TUT7: variants seen among roughly 807,000 people sequenced by gnomAD.
The protein encoded by TUT7 is terminal uridylyl transferase 7.
In TUT7, 33 loss-of-function variants were observed where a neutral mutation model predicts 165.9. That is an observed-to-expected ratio of 0.20 (90% CI 0.15 to 0.27). The LOEUF is 0.27. Ranked by LOEUF, TUT7 falls within the 10% of genes least tolerant of loss-of-function variation. The pLI, the probability that TUT7 is intolerant of heterozygous loss-of-function variation, is 1.00. For missense variants in TUT7, 1,338 were observed against 1,762.3 expected, an observed-to-expected ratio of 0.76 and a Z score of 4.31; for synonymous variants, 552 against 608.1, an observed-to-expected ratio of 0.91 and a Z score of 1.36.
At position 86,322,986 on chromosome 9, in the gene TUT7, C is replaced by T; in HGVS notation, c.2764G>A (p.Glu922Lys). The T allele has an allele frequency of 2.5e-6, 4 of 1,614,018 alleles. No homozygotes were observed. The highest frequency in any genetic ancestry group is 3.4e-6 in the Non-Finnish European group (4 of 1,179,984). Residue 922 changes from glutamate (E) to lysine (K), a missense_variant, in exon 13 of 27, where the codon GAA becomes AAA. Around this residue, in one of 7 missense-constraint regions of TUT7, gnomAD observed 425 missense variants for 474.9 expected, o/e 0.89. Coordinates refer to ENST00000375963, the MANE Select transcript of TUT7 (RefSeq NM_024617.4). ...TCCTTGAGACTTATTTTATTAAGTT[C>T]CACTAGGAGAGCTCTTTCTACATGT... is the stretch of plus-strand genomic sequence containing the variant. ...GKHVERALLV[E>K]LNKISLKEEN...
intron 16 of TUT7, 62 bp from the exon 17 acceptor site, chr9:86,317,338 A>T: frequency 3.1e-6 from 4 of 1,297,882 alleles, no homozygotes; most frequent in Non-Finnish European, 4.4e-6. Context: ...GAAACTGGCT[A>T]TAGTTTCCAT....
At chr9:86,322,139 CT>C (rs2131431179) in intron 14 of TUT7, among the ~76,000 whole-genome samples, 185 bp downstream of exon 14, 1 of 152,198 alleles carries the variant, frequency 6.6e-6, no homozygotes, top group East Asian at 1.9e-4. Context: ...CCTCATCCTT[CT>C]TTGACATTTA....
At chr9:86,339,430 A>G (rs1307135541) in intron 8 of TUT7, among the ~76,000 whole-genome samples, 1 of 152,172 alleles carries the variant, frequency 6.6e-6, no homozygotes. Flanking sequence ...AGGCAGGAGA[A>G]TGGTGTGAAC....
At chr9:86,292,511 A>G (rs1160026199) in intron 26 of TUT7, among the ~76,000 whole-genome samples, 1 of 151,498 alleles carries the variant, frequency 6.6e-6, no homozygotes, top group African/African-American at 2.4e-5. Context: ...CCTCATAATA[A>G]TGGATGTTTC....
intron 17 of TUT7, among the ~76,000 whole-genome samples, chr9:86,315,242 C>T (rs753985417): frequency 1.3e-4 from 20 of 152,192 alleles, no homozygotes; most frequent in South Asian, 6.2e-4. Flanking sequence ...CTAGCTGTTA[C>T]GAAATTCTTG....
intron 10 of TUT7, among the ~76,000 whole-genome samples, chr9:86,333,764 C>T (rs1830524253): frequency 6.6e-6 from 1 of 152,160 alleles, no homozygotes; most frequent in Admixed American, 6.6e-5. Flanking sequence ...TGCCTTTCAG[C>T]ATGCTTTGTA....
chr9:86,315,874 AT>A (rs1190462009), intron 17 of TUT7, among the ~76,000 whole-genome samples: 3 of 152,036 alleles, frequency 2.0e-5, no homozygotes, highest in East Asian at 3.9e-4. Context: ...CAAAATTAAG[AT>A]TTTTTTTCCT....
At chr9:86,338,210 CTTTT>C (rs1156700714) in intron 9 of TUT7, among the ~76,000 whole-genome samples, 2 of 135,386 alleles carry the variant, frequency 1.5e-5, no homozygotes, top group Non-Finnish European at 1.6e-5. Context: ...CATGGAATCT[CTTTT>C]TTTTTTTTTT....
chr9:86,301,897 A>G, intron 25 of TUT7: 5 of 971,452 alleles, frequency 5.1e-6, no homozygotes, highest in Non-Finnish European at 6.1e-6. Flanking sequence ...TGATGTAATG[A>G]AAGGCAAATC....
chr9:86,337,138 G>A, intron 10 of TUT7: 2 of 228,668 alleles, frequency 8.7e-6, no homozygotes, highest in Non-Finnish European at 8.6e-6. Context: ...TAAATTTACA[G>A]GGTCAGTCTC....
chr9:86,292,543 AGAGGAAAC>A (rs1409710849), intron 26 of TUT7, among the ~76,000 whole-genome samples: 1 of 151,584 alleles, frequency 6.6e-6, no homozygotes, highest in East Asian at 1.9e-4. Context: ...GGGACATGAC[AGAGGAAAC>A]GATGTTGGTG....
intron 2 of TUT7, among the ~76,000 whole-genome samples, chr9:86,350,285 C>T (rs946044121): frequency 6.6e-6 from 1 of 152,098 alleles, no homozygotes; most frequent in African/African-American, 2.4e-5. Context: ...GAACCAAGAT[C>T]GCACCACTGC....
At chr9:86,344,522 T>C (rs1343841429) in intron 5 of TUT7, among the ~76,000 whole-genome samples, 3 of 151,846 alleles carry the variant, frequency 2.0e-5, no homozygotes, top group Non-Finnish European at 4.4e-5. Context: ...AATACAAATT[T>C]CTTAAAACTA....
intron 23 of TUT7, 21 bp downstream of exon 23, chr9:86,305,171 T>C (rs1263157423): frequency 1.9e-6 from 3 of 1,584,842 alleles, no homozygotes; most frequent in Non-Finnish European, 2.6e-6. Context: ...AAAAATAAAA[T>C]TGACAAACGA....
rs749223528 is a variant in TUT7, at chr9:86,323,793, G to A, written c.1957C>T (p.His653Tyr). 3.1e-6 allele frequency: 5 copies of A among 1,613,924 alleles called. No homozygotes were observed. The South Asian group carries it at 4.4e-5, about 14-fold the overall frequency. ...TGATGATTTATTACTTCTTTAGAAT[G>A]TTCTGAAATACATGTAATTGCATTC... ...PLNAITCISE[H>Y]SKEVINHHPD... Residue 653 changes from histidine to tyrosine, a missense_variant, in exon 13 of 27, where the codon CAT becomes TAT. Transcript: ENST00000375963.
At chr9:86,290,348 C>G (rs1035828483) in intron 26 of TUT7, among the ~76,000 whole-genome samples, 5 of 152,024 alleles carry the variant, frequency 3.3e-5, no homozygotes, top group African/African-American at 1.2e-4. Flanking sequence ...TAAAAACATT[C>G]CCTAAACACA....
intron 26 of TUT7, among the ~76,000 whole-genome samples, chr9:86,294,774 G>A (rs1057293966): frequency 1.3e-5 from 2 of 150,428 alleles, no homozygotes; most frequent in African/African-American, 4.9e-5. Flanking sequence ...AAGTTTTAGG[G>A]TACATGTGCA....
intron 2 of TUT7, among the ~76,000 whole-genome samples, chr9:86,349,670 T>A (rs1343759839): frequency 6.6e-6 from 1 of 152,206 alleles, no homozygotes; most frequent in Non-Finnish European, 1.5e-5. Context: ...GAAATTTCGA[T>A]CTCTTTAATG....
intron 11 of TUT7, 89 bp downstream of exon 11, chr9:86,328,251 G>T: frequency 7.7e-7 from 1 of 1,298,284 alleles, no homozygotes; most frequent in Non-Finnish European, 1.0e-6. Flanking sequence ...AAATAGTAAA[G>T]ATAGTTAAGG....
Sources: gnomAD v4.1 joint callset for allele counts (sites outside exome capture counted in the v4.1 genomes callset) on GRCh38, gnomAD v4.1.1 for gene constraint, gnomAD v4.1.1 regional missense constraint, MANE v1.5 for transcripts, NCBI Gene and HGNC (gene_info 2026-07-23, HGNC 2026-07-21) for gene names.